HECTD4: variants seen among roughly 807,000 people sequenced by gnomAD.
HECTD4 encodes probable E3 ubiquitin-protein ligase HECTD4.
Under a neutral mutation model 471.5 loss-of-function variants are expected in HECTD4, and 114 were observed. That is an observed-to-expected ratio of 0.24 (90% CI 0.21 to 0.28). HECTD4 has a LOEUF of 0.28. HECTD4 is among the 10% of genes least tolerant of loss of function. HECTD4 has a pLI of 1.00. For synonymous variants in HECTD4, 2,012 were observed against 2,256.0 expected (o/e 0.89, Z 3.07); for missense variants, 3,866 against 5,651.5 (o/e 0.68, Z 10.13).
intron 8 of HECTD4, among the ~76,000 whole-genome samples, chr12:112,279,956 C>T (rs988841395): frequency 3.3e-5 from 5 of 152,114 alleles, no homozygotes; most frequent in African/African-American, 1.2e-4. Context: ...AGAACATTTC[C>T]TTTGAGCATC....
chr12:112,240,959 GC>G (rs2033629649), intron 32 of HECTD4, among the ~76,000 whole-genome samples: 1 of 152,148 alleles, frequency 6.6e-6, no homozygotes, highest in South Asian at 2.1e-4. Flanking sequence ...ACAAAGACAT[GC>G]AACATAGTAT....
chr12:112,355,689 G>A (rs904197726), intron 1 of HECTD4, among the ~76,000 whole-genome samples: 8 of 151,972 alleles, frequency 5.3e-5, no homozygotes, highest in Non-Finnish European at 7.4e-5. Flanking sequence ...GCTTGAGCCC[G>A]GGAGGCGGAG....
At position 112,175,837 on chromosome 12, in the gene HECTD4, C is replaced by T. The variant is rs372229428; in HGVS notation, c.11493G>A (p.Thr3831=). The change falls in exon 66 of 76, where the codon ACG becomes ACA. Residue 3831 remains threonine, a synonymous_variant. Transcript: ENST00000682272. ...TAACAAATTTGTGAAATCCTTCCAG[C>T]GTCAGGTATTTTTCCTCAGGGACTG... ...KQEVPEEKYL[T]LEGFHKFVID... The T allele has an allele frequency of 1.5e-4, 235 of 1,613,664 alleles. 1 individual carries two copies. Among genetic ancestry groups the T allele is most frequent in the Non-Finnish European group, 1.9e-4 (219 of 1,179,774 alleles).
At chr12:112,290,385 C>T (rs2034850274) in intron 7 of HECTD4, among the ~76,000 whole-genome samples, 1 of 152,006 alleles carries the variant, frequency 6.6e-6, no homozygotes, top group Non-Finnish European at 1.5e-5. Context: ...ATTAGCTGGG[C>T]ATGGTGGCGG....
intron 1 of HECTD4, among the ~76,000 whole-genome samples, chr12:112,346,331 C>T (rs773002974): frequency 6.6e-6 from 1 of 152,194 alleles, no homozygotes. Context: ...TGGGAATCTG[C>T]ATGTTTAACA....
chr12:112,240,632 G>A (rs747097239), intron 32 of HECTD4, among the ~76,000 whole-genome samples: 3 of 151,838 alleles, frequency 2.0e-5, no homozygotes, highest in Non-Finnish European at 2.9e-5. Context: ...TTGACTTTTA[G>A]TAGAGATGAT....
In HECTD4 at chr12:112,213,722, T is replaced by TATAAA. The variant is rs1566074703; in HGVS notation, c.7466-1073_7466-1072insTTTAT. 1.2e-3 allele frequency among the ~76,000 whole-genome samples: 166 copies of TATAAA among 135,162 alleles called. 1 individual carries two copies. The highest frequency in any genetic ancestry group is 3.4e-3 in the African/African-American group (123 of 35,774). The allele number at this position is 135,162 out of a possible 152,430, so 88.7% of individuals were successfully genotyped here. On this transcript the variant is annotated intron_variant, in intron 48 of 75. Transcript: ENST00000682272. This position sits in a 1 kb window ranked among gnomAD's most constrained non-coding sequence, Gnocchi z 4.0. Reference sequence around the variant, plus strand: ...TACATATATATATATATATATATAATATATATATAAAATTTAAGGCCAGAC... The same window carrying TATAAA: ...TACATATATATATATATATATATAATATAAAATATATATAAAATTTAAGGCCAGAC...
intron 1 of HECTD4, among the ~76,000 whole-genome samples, chr12:112,352,561 C>T (rs2135738636): frequency 6.6e-6 from 1 of 152,030 alleles, no homozygotes; most frequent in South Asian, 2.1e-4. Flanking sequence ...GTCTCGAACT[C>T]CTGACCTCAG....
chr12:112,194,896 G>A lies in HECTD4; in HGVS notation c.8738C>T (p.Pro2913Leu). Residue 2913 changes from proline (P) to leucine (L), a missense_variant, in exon 56 of 76, where the codon CCT (proline) becomes CTT (leucine). Pro to Leu is a moderately conservative substitution (Grantham distance 98, BLOSUM62 -3). Around this residue, in one of 16 missense-constraint regions of HECTD4, gnomAD observed 266 missense variants for 441.6 expected, o/e 0.60. Coordinates refer to ENST00000682272, the MANE Select transcript of HECTD4 (RefSeq NM_001388303.1). The surrounding 1 kb of genome is among the most constrained non-coding windows in gnomAD (Gnocchi z 4.6). ...AAGCCAAGTTTTACCTGGGAGAGGAGGTGCGAGGAGCTGATTGGACAGCAG... is the reference window on the plus strand; with the variant it reads ...AAGCCAAGTTTTACCTGGGAGAGGAAGTGCGAGGAGCTGATTGGACAGCAG... ...LQLLSNQLLA[P>L]PLPDGTISSS... The A allele has an allele frequency of 6.2e-7, 1 of 1,606,072 alleles. No individual in the cohort carries two copies.
chr12:112,169,857 C>G, intron 69 of HECTD4, 199 bp from the exon 70 acceptor site: 3 of 641,132 alleles, frequency 4.7e-6, no homozygotes, highest in Non-Finnish European at 5.5e-6. Flanking sequence ...ACTTTTGGAA[C>G]CTGCCCTCCT....
At chr12:112,204,129 G>A (rs1291619172) in intron 53 of HECTD4, among the ~76,000 whole-genome samples, 2 of 151,366 alleles carry the variant, frequency 1.3e-5, no homozygotes, top group Non-Finnish European at 3.0e-5. Context: ...TGCAACCTCC[G>A]CCTCCCAGGT....
Position 112,243,572 on chromosome 12 carries a change from G to A in HECTD4, c.4791+48C>T, listed in dbSNP as rs775449088. On this transcript the variant is annotated intron_variant, in intron 31 of 75. Transcript: ENST00000682272. This position sits in a 1 kb window ranked among gnomAD's most constrained non-coding sequence, Gnocchi z 6.6. ...CTCCTGCTAACTGCCGCAAGACCCC[G>A]CATGCTGTTAGGTGCTATTCATCTG... is the stretch of plus-strand genomic sequence containing the variant. 2.5e-6 allele frequency: 4 copies of A among 1,601,458 alleles called. No homozygotes were observed. The highest frequency in any genetic ancestry group is 4.5e-5 in the East Asian group (2 of 44,360).
intron 55 of HECTD4, 22 bp from the exon 56 acceptor site, chr12:112,195,088 A>C: frequency 6.4e-7 from 1 of 1,570,412 alleles, no homozygotes; most frequent in East Asian, 2.4e-5. Flanking sequence ...AAGGTGGGTG[A>C]GATACTCAAA....
rs547701630 is a variant in HECTD4, at chr12:112,231,766, C to G, written c.5998-51G>C. On this transcript the variant is annotated intron_variant, in intron 38 of 75. Transcript: ENST00000682272. Reference sequence around the variant, plus strand: ...AAGATTCATTTCAGTCTTCCCAGCACTATATTTTTCAAGTCTATTTCCCCT... The same window carrying G: ...AAGATTCATTTCAGTCTTCCCAGCAGTATATTTTTCAAGTCTATTTCCCCT... The G allele has an allele frequency of 2.8e-5, 41 of 1,475,816 alleles. No individual in the cohort carries two copies. In the South Asian group the frequency reaches 4.5e-4, roughly 16 times the overall value. 91.4% of individuals were successfully genotyped at this position (1,475,816 alleles called of 1,614,324 possible).
intron 1 of HECTD4, among the ~76,000 whole-genome samples, chr12:112,373,990 C>T (rs1380000266): frequency 2.2e-5 from 3 of 139,110 alleles, no homozygotes; most frequent in African/African-American, 5.5e-5. Flanking sequence ...GGTGACAGAA[C>T]GAGACTCTGT....
Position 112,235,901 on chromosome 12 carries a change from G to T in HECTD4, c.5445-117C>A. On this transcript the variant is annotated intron_variant, in intron 35 of 75. Transcript: ENST00000682272. The surrounding 1 kb of genome is among the most constrained non-coding windows in gnomAD (Gnocchi z 5.0). ...GAAATCTGATTTCACGAGGAATCAT[G>T]AATGTGGCACTATGCTTCTGTGAAG... 2 of 892,516 alleles carry T rather than the reference G, an allele frequency of 2.2e-6. No individual in the cohort carries two copies. The highest frequency in any genetic ancestry group is 2.8e-4 in the Middle Eastern group (1 of 3,578). The allele number at this position is 892,516 out of a possible 1,614,324, so 55.3% of individuals were successfully genotyped here. A position where few individuals can be genotyped will look rare whatever the true frequency, so the allele number is the denominator to read the frequency against.
Position 112,160,690 on chromosome 12 carries a change from T to G in HECTD4, c.*1697A>C, listed in dbSNP as rs1284727033. The G allele has an allele frequency of 6.6e-6, 1 of 152,100 alleles. No individual in the cohort carries two copies. The highest frequency in any genetic ancestry group is 1.5e-5 in the Non-Finnish European group (1 of 68,004). 9.4% of individuals were successfully genotyped at this position (152,100 alleles called of 1,614,324 possible). The stretch of plus-strand genomic sequence containing the variant: ...AAAGATGTAGGGAGGAAAAACCACT[T>G]CTAATAAATCGAAAGGCTCTTTCAT... On this transcript the variant is annotated 3_prime_UTR_variant, in exon 76 of 76. Coordinates refer to ENST00000682272, the MANE Select transcript of HECTD4 (RefSeq NM_001388303.1).
chr12:112,307,346 T>C (rs973406880), intron 6 of HECTD4, among the ~76,000 whole-genome samples: 5 of 152,368 alleles, frequency 3.3e-5, no homozygotes, highest in South Asian at 2.1e-4. Flanking sequence ...CAGCTACTAA[T>C]TGGCCTGTGC....
intron 20 of HECTD4, among the ~76,000 whole-genome samples, chr12:112,257,212 G>A (rs2034035453): frequency 6.6e-6 from 1 of 152,106 alleles, no homozygotes; most frequent in Admixed American, 6.6e-5. Flanking sequence ...GTCACATGTG[G>A]CCATTTCAAT....
Sources: allele counts gnomAD v4.1 joint callset (sites outside exome capture counted in the v4.1 genomes callset), GRCh38; gene constraint gnomAD v4.1.1; regional missense constraint gnomAD v4.1.1; non-coding constraint Gnocchi (gnomAD v3.1); transcripts MANE v1.5; gene names NCBI Gene and HGNC (gene_info 2026-07-23, HGNC 2026-07-21).